LRGUK: variants seen among roughly 807,000 people sequenced by gnomAD.
LRGUK encodes the protein leucine rich repeats and guanylate kinase domain containing.
LRGUK carries 65 observed loss-of-function variants against 76.0 expected under a neutral mutation model. That is an observed-to-expected ratio of 0.85 (90% confidence interval 0.70 to 1.05). The LOEUF is 1.05. Among genes scored for constraint, LRGUK ranks in the 50% least tolerant of loss-of-function variants. The probability of loss-of-function intolerance (pLI) is 0.00; values close to 1 mark genes in which losing one functional copy is unlikely to be tolerated. For synonymous variants in LRGUK, 268 were observed against 265.6 expected, an observed-to-expected ratio of 1.01 and a Z score of -0.09; for missense variants, 758 against 732.8, an observed-to-expected ratio of 1.03 and a Z score of -0.40.
chr7:134,266,670 G>T (rs1802861451), downstream of LRGUK, among the ~76,000 whole-genome samples: 1 of 152,176 alleles, frequency 6.6e-6, no homozygotes, highest in South Asian at 2.1e-4. Flanking sequence ...TATGTGAAAA[G>T]ATCTAATGTT....
intron 8 of LRGUK, 129 bp from the exon 9 acceptor site, chr7:134,176,848 C>G: frequency 1.7e-6 from 1 of 602,768 alleles, no homozygotes; most frequent in Non-Finnish European, 3.0e-6. Flanking sequence ...AATGCATAGT[C>G]CTGTGAGGGT....
rs182845060 is a variant in LRGUK, at chr7:134,144,140, A to G, written c.588+978A>G. 1.5e-4 allele frequency among the ~76,000 whole-genome samples: 23 copies of G among 152,152 alleles called. 1 individual carries two copies. The highest frequency in any genetic ancestry group is 1.1e-3 in the Admixed American group (17 of 15,278). On this transcript the variant is annotated intron_variant, in intron 4 of 15. Transcript: ENST00000645682. ...AGTTGCGCATTCTTGTCTCACCACA[A>G]CTTCAGCCTCCTGGGCTCAAGTGAT...
intron 18 of LRGUK, among the ~76,000 whole-genome samples, chr7:134,249,618 C>T (rs954651995): frequency 4.6e-5 from 7 of 152,156 alleles, no homozygotes; most frequent in East Asian, 1.9e-4. Flanking sequence ...ATTAGTATGA[C>T]GCTGTATTTC....
At chr7:134,130,195 G>C (rs1212717021) in intron 1 of LRGUK, among the ~76,000 whole-genome samples, 1 of 151,938 alleles carries the variant, frequency 6.6e-6, no homozygotes, top group Non-Finnish European at 1.5e-5. Context: ...TTTGTCTTTT[G>C]TTGGTTTACT....
At chr7:134,248,383 C>T (rs1286536645) in intron 17 of LRGUK, among the ~76,000 whole-genome samples, 1 of 152,186 alleles carries the variant, frequency 6.6e-6, no homozygotes, top group Non-Finnish European at 1.5e-5. Context: ...TTGCACATAG[C>T]AACTCTAGCA....
At chr7:134,160,837 A>G (rs1289669539) in intron 6 of LRGUK, among the ~76,000 whole-genome samples, 1 of 152,222 alleles carries the variant, frequency 6.6e-6, no homozygotes, top group Non-Finnish European at 1.5e-5. Context: ...CCAACTAATC[A>G]TTATGAAACA....
At chr7:134,252,782 T>A (rs1802481182) in intron 18 of LRGUK, among the ~76,000 whole-genome samples, 1 of 152,220 alleles carries the variant, frequency 6.6e-6, no homozygotes, top group Non-Finnish European at 1.5e-5. Context: ...GCACATTAGC[T>A]GTGTCACCCT....
rs112091184 is a variant in LRGUK at position 134,127,467 on chromosome 7, G to A, written c.100G>A (p.Ala34Thr). 5.9e-3 allele frequency: 9,553 copies of A among 1,614,026 alleles called. 39 individuals carry two copies. Among genetic ancestry groups the A allele is most frequent in the Non-Finnish European group, 7.5e-3 (8,848 of 1,180,008 alleles). ...TGGAGCCCGATCGTTACAGTTTCGC[G>A]CAGAAAAAGAGCGTCAGCCTTGCTG... is the stretch of plus-strand genomic sequence containing the variant. Residue 34 changes from alanine (A) to threonine (T), a missense_variant, in exon 1 of 16, where the codon GCA becomes ACA. Physicochemically the swap from Ala to Thr is moderately conservative, Grantham distance 58 (BLOSUM62 0). Coordinates refer to ENST00000645682, the Ensembl canonical transcript of LRGUK.
At chr7:134,179,997 T>C (rs1799669269) in intron 10 of LRGUK, among the ~76,000 whole-genome samples, 1 of 152,170 alleles carries the variant, frequency 6.6e-6, no homozygotes, top group Admixed American at 6.6e-5. Flanking sequence ...CCTGGTATAA[T>C]TGGGGTGAGG....
intron 19 of LRGUK, among the ~76,000 whole-genome samples, chr7:134,260,212 A>G (rs746041656): frequency 6.6e-6 from 1 of 151,974 alleles, no homozygotes; most frequent in African/African-American, 2.4e-5. Context: ...TAACATATAT[A>G]TGCATATTAT....
intron 15 of LRGUK, among the ~76,000 whole-genome samples, chr7:134,204,058 C>T (rs1182717154): frequency 6.6e-6 from 1 of 152,314 alleles, no homozygotes; most frequent in East Asian, 1.9e-4. Flanking sequence ...AAATCAGCCT[C>T]TTGTGGGTTT....
intron 10 of LRGUK, among the ~76,000 whole-genome samples, chr7:134,181,911 A>G (rs1385999006): frequency 6.6e-6 from 1 of 152,136 alleles, no homozygotes; most frequent in African/African-American, 2.4e-5. Context: ...TATCACATGT[A>G]GATTCATCTT....
chr7:134,229,496 A>T (rs1034389027), intron 16 of LRGUK, among the ~76,000 whole-genome samples: 4 of 152,196 alleles, frequency 2.6e-5, no homozygotes, highest in African/African-American at 9.6e-5. Flanking sequence ...AGAAAAATGT[A>T]AAACATATTT....
chr7:134,228,956 A>T (rs1475081709), intron 16 of LRGUK, among the ~76,000 whole-genome samples: 1 of 152,222 alleles, frequency 6.6e-6, no homozygotes, highest in Non-Finnish European at 1.5e-5. Context: ...CATAAACAAG[A>T]AATAAATAGT....
chr7:134,178,014 G>A (rs1799554491), intron 9 of LRGUK, among the ~76,000 whole-genome samples: 1 of 152,160 alleles, frequency 6.6e-6, no homozygotes, highest in South Asian at 2.1e-4. Flanking sequence ...TGCTAAATGA[G>A]GAGGAAGTTT....
At chr7:134,146,382 G>A (rs1223794148) in intron 4 of LRGUK, among the ~76,000 whole-genome samples, 3 of 152,140 alleles carry the variant, frequency 2.0e-5, no homozygotes, top group Non-Finnish European at 4.4e-5. Context: ...CAGAATGAAA[G>A]ATGTTGATGA....
At chr7:134,239,558 G>C (rs930010765) in intron 16 of LRGUK, among the ~76,000 whole-genome samples, 1 of 152,202 alleles carries the variant, frequency 6.6e-6, no homozygotes. Context: ...TGGGAAGCTC[G>C]AACTGGGTGG....
intron 5 of LRGUK, among the ~76,000 whole-genome samples, chr7:134,153,695 A>G (rs548691074): frequency 6.8e-4 from 103 of 152,324 alleles, no homozygotes; most frequent in African/African-American, 2.3e-3. Context: ...GTTGCAATTC[A>G]TTGAGTAATT....
intron 3 of LRGUK, among the ~76,000 whole-genome samples, chr7:134,140,444 TTTAATGAAA>T (rs150132882): frequency 8.9e-4 from 135 of 152,348 alleles, no homozygotes; most frequent in African/African-American, 3.1e-3. Flanking sequence ...CTTGTTCACA[TTTAATGAAA>T]TTAGTCCTAC....
Sources: gnomAD v4.1 joint callset for allele counts (sites outside exome capture counted in the v4.1 genomes callset) on GRCh38, gnomAD v4.1.1 for gene constraint, MANE v1.5 for transcripts, NCBI Gene and HGNC (gene_info 2026-07-23, HGNC 2026-07-21) for gene names.